TRPC6: variants seen among roughly 807,000 people sequenced by gnomAD.
TRPC6 encodes short transient receptor potential channel 6.
A neutral mutation model predicts 90.7 loss-of-function variants in TRPC6; 55 were observed. The observed-to-expected ratio is 0.61, with a 90% CI of 0.49 to 0.76. The LOEUF is 0.76. TRPC6 is among the 30% of genes least tolerant of loss of function. TRPC6 has a pLI of 0.00. For missense variants in TRPC6, 989 were observed against 1,122.7 expected, an observed-to-expected ratio of 0.88 and a Z score of 1.70; for synonymous variants, 393 against 393.0, an observed-to-expected ratio of 1.00 and a Z score of 0.00.
chr11:101,530,553 C>T (rs1860888129), intron 1 of TRPC6, among the ~76,000 whole-genome samples: 1 of 152,158 alleles, frequency 6.6e-6, no homozygotes, highest in South Asian at 2.1e-4. Context: ...AGGGTCCCAC[C>T]AAGTGACCCT....
chr11:101,573,942 GTGTGTGTGTGTGTGTA>G (rs1485423036), intron 1 of TRPC6, among the ~76,000 whole-genome samples: 18 of 127,986 alleles, frequency 1.4e-4, no homozygotes, highest in Admixed American at 3.1e-4. Context: ...GTGTGTGTGT[GTGTGTGTGTGTGTGTA>G]TGTGTGTGTG....
At chr11:101,489,493 A>G (rs1466811907) in intron 3 of TRPC6, among the ~76,000 whole-genome samples, 1 of 152,140 alleles carries the variant, frequency 6.6e-6, no homozygotes, top group Non-Finnish European at 1.5e-5. Context: ...CCTTTCCTGC[A>G]TTGATCTAAA....
chr11:101,569,954 A>G (rs1336972400), intron 1 of TRPC6, among the ~76,000 whole-genome samples: 1 of 149,988 alleles, frequency 6.7e-6, no homozygotes, highest in Non-Finnish European at 1.5e-5. Context: ...ATCATAATTA[A>G]AAGAACTAGA....
chr11:101,532,816 G>A (rs1356017063), intron 1 of TRPC6, among the ~76,000 whole-genome samples: 1 of 152,166 alleles, frequency 6.6e-6, no homozygotes, highest in Non-Finnish European at 1.5e-5. Flanking sequence ...AGTTAAGAGG[G>A]TGAGGCAGTG....
chr11:101,531,140 T>A (rs183008124), intron 1 of TRPC6, among the ~76,000 whole-genome samples: 1 of 152,376 alleles, frequency 6.6e-6, no homozygotes, highest in African/African-American at 2.4e-5. Flanking sequence ...ATGTGTTGAT[T>A]ACTTTGATTG....
At chr11:101,487,436 A>G (rs1457040608) in intron 4 of TRPC6, among the ~76,000 whole-genome samples, 1 of 152,126 alleles carries the variant, frequency 6.6e-6, no homozygotes, top group East Asian at 1.9e-4. Flanking sequence ...AGTATACTGC[A>G]TAGTGGTGAA....
intron 1 of TRPC6, among the ~76,000 whole-genome samples, chr11:101,570,307 C>A (rs767195373): frequency 6.6e-6 from 1 of 152,176 alleles, no homozygotes; most frequent in Non-Finnish European, 1.5e-5. Context: ...CATACACCCT[C>A]CCAAGACTAA....
At chr11:101,581,963 G>A (rs1274645781) in intron 1 of TRPC6, among the ~76,000 whole-genome samples, 1 of 152,174 alleles carries the variant, frequency 6.6e-6, no homozygotes, top group Non-Finnish European at 1.5e-5. Flanking sequence ...CACATCAAGT[G>A]TAAGATTTCT....
intron 1 of TRPC6, among the ~76,000 whole-genome samples, chr11:101,511,779 G>A (rs1200400684): frequency 6.6e-6 from 1 of 151,994 alleles, no homozygotes; most frequent in Non-Finnish European, 1.5e-5. Flanking sequence ...ATCACCTGAG[G>A]TCAGGAGTTT....
Position 101,528,328 on chromosome 11 carries a change from G to A in TRPC6, c.171-23530C>T, listed in dbSNP as rs560421378. ...CAAAGTAGATCATAAGGTGGTATAT[G>A]CAATACGGGAAGAGTTTTCAATCAG... is the stretch of plus-strand genomic sequence containing the variant. On this transcript the variant is annotated intron_variant, in intron 1 of 12. Coordinates refer to ENST00000344327, the MANE Select transcript of TRPC6 (RefSeq NM_004621.6). Among the ~76,000 whole-genome samples, 3 of 152,272 alleles carry A rather than the reference G, an allele frequency of 2.0e-5. No homozygotes were observed. In the South Asian group the frequency reaches 6.2e-4, roughly 32 times the overall value.
At chr11:101,488,532 A>G (rs1446555506) in intron 4 of TRPC6, among the ~76,000 whole-genome samples, 1 of 152,234 alleles carries the variant, frequency 6.6e-6, no homozygotes, top group African/African-American at 2.4e-5. Context: ...AGAAACAGAA[A>G]AAGTGTTCAT....
intron 1 of TRPC6, among the ~76,000 whole-genome samples, chr11:101,566,568 T>G (rs969173171): frequency 2.0e-5 from 3 of 152,166 alleles, no homozygotes; most frequent in Non-Finnish European, 4.4e-5. Context: ...CACCCAGGTC[T>G]TATTACTCAT....
chr11:101,512,781 C>T (rs1860424634), intron 1 of TRPC6, among the ~76,000 whole-genome samples: 1 of 152,104 alleles, frequency 6.6e-6, no homozygotes, highest in South Asian at 2.1e-4. Flanking sequence ...TTTGTAATAC[C>T]AGCAAACTAT....
chr11:101,491,198 G>A (rs1859796255), intron 3 of TRPC6, among the ~76,000 whole-genome samples: 1 of 152,088 alleles, frequency 6.6e-6, no homozygotes, highest in South Asian at 2.1e-4. Flanking sequence ...TGCAATCCCA[G>A]CACTTTAGGA....
At position 101,483,439 on chromosome 11, in the gene TRPC6, G is replaced by A. The variant is rs144077061; in HGVS notation, c.1294-274C>T. ...TTAAATTCTTAAAATATATAATATCGTTGACAAAATATAGAGCATAATAAT... is the reference window on the plus strand; with the variant it reads ...TTAAATTCTTAAAATATATAATATCATTGACAAAATATAGAGCATAATAAT... On this transcript the variant is annotated intron_variant, in intron 4 of 12. Coordinates refer to ENST00000344327, the MANE Select transcript of TRPC6 (RefSeq NM_004621.6). Among the ~76,000 whole-genome samples the A allele has an allele frequency of 5.2e-3, 794 of 151,970 alleles. 2 individuals are homozygous for A. Among genetic ancestry groups the A allele is most frequent in the African/African-American group, 0.018 (746 of 41,426 alleles).
intron 1 of TRPC6, among the ~76,000 whole-genome samples, chr11:101,560,559 C>T (rs142182255): frequency 6.6e-6 from 1 of 152,102 alleles, no homozygotes; most frequent in Admixed American, 6.6e-5. Flanking sequence ...TGTTTTGTAA[C>T]TAACAGGTAT....
chr11:101,453,145 C>T (rs753303033), intron 12 of TRPC6, 39 bp from the exon 13 acceptor site: 46 of 1,601,488 alleles, frequency 2.9e-5, no homozygotes, highest in Admixed American at 2.0e-4. Flanking sequence ...ACTATAAATA[C>T]GCAATGCGGA....
chr11:101,542,968 C>A lies in TRPC6; in HGVS notation c.171-38170G>T, dbSNP rs149714001. On this transcript the variant is annotated intron_variant, in intron 1 of 12. Transcript: ENST00000344327. Reference sequence around the variant, plus strand: ...TTCATTAAAATTATAATCTTCTGCTCTTTGATACTCAAGAAAATGCTAAAA... The same window carrying A: ...TTCATTAAAATTATAATCTTCTGCTATTTGATACTCAAGAAAATGCTAAAA... Among the ~76,000 whole-genome samples the A allele has an allele frequency of 1.4e-3, 212 of 152,114 alleles. 1 individual carries two copies. The highest frequency in any genetic ancestry group is 0.014 in the Middle Eastern group (4 of 292).
intron 5 of TRPC6, among the ~76,000 whole-genome samples, chr11:101,478,827 T>G (rs531287313): frequency 8.5e-5 from 13 of 152,294 alleles, no homozygotes; most frequent in Admixed American, 2.6e-4. Context: ...TTTTGCCCTC[T>G]AGACAGGTAG....
Sources: allele counts gnomAD v4.1 joint callset (sites outside exome capture counted in the v4.1 genomes callset), GRCh38; gene constraint gnomAD v4.1.1; transcripts MANE v1.5; gene names NCBI Gene and HGNC (gene_info 2026-07-23, HGNC 2026-07-21).